The following XPR1 variants were observed in gnomAD, a reference collection of about 807,000 sequenced individuals.
XPR1 encodes the protein xenotropic and polytropic retrovirus receptor 1, also known as solute carrier family 53 member 1.
In XPR1, 28 loss-of-function variants were observed where a neutral mutation model predicts 87.5. The observed-to-expected ratio is 0.32, with a 90% CI of 0.24 to 0.44. XPR1 has a LOEUF of 0.44. Ranked by LOEUF, XPR1 falls within the 20% of genes least tolerant of loss-of-function variation. The pLI, the probability that XPR1 is intolerant of heterozygous loss-of-function variation, is 1.00. For synonymous variants in XPR1, 300 were observed against 306.1 expected (o/e 0.98, Z 0.21); for missense variants, 559 against 862.3 (o/e 0.65, Z 4.41).
chr1:180,812,857 C>T (rs1029706901), intron 7 of XPR1, among the ~76,000 whole-genome samples: 1 of 151,986 alleles, frequency 6.6e-6, no homozygotes, highest in African/African-American at 2.4e-5. Flanking sequence ...ACTATGTTGG[C>T]CAGACTGGTC....
intron 3 of XPR1, among the ~76,000 whole-genome samples, chr1:180,799,535 G>A (rs1381384461): frequency 6.6e-6 from 1 of 152,220 alleles, no homozygotes; most frequent in Non-Finnish European, 1.5e-5. Flanking sequence ...TTGATCAGAA[G>A]CAAGGCTGTA....
chr1:180,747,885 T>C (rs1411999588), intron 2 of XPR1, among the ~76,000 whole-genome samples: 1 of 152,222 alleles, frequency 6.6e-6, no homozygotes, highest in African/African-American at 2.4e-5. Context: ...AACCATTATG[T>C]CTGTGAAACA....
chr1:180,765,254 A>T (rs571039275), intron 2 of XPR1, among the ~76,000 whole-genome samples: 1 of 152,158 alleles, frequency 6.6e-6, no homozygotes, highest in African/African-American at 2.4e-5. Context: ...GTCTGGCTCT[A>T]GTCATTTTTT....
At chr1:180,660,205 T>C (rs1655718724) in intron 1 of XPR1, among the ~76,000 whole-genome samples, 1 of 152,180 alleles carries the variant, frequency 6.6e-6, no homozygotes, top group African/African-American at 2.4e-5. Context: ...GTGGTATTGG[T>C]TGTATCATCT....
Position 180,724,882 on chromosome 1 carries a change from A to G in XPR1, c.121+42471A>G, listed in dbSNP as rs1312872941. 3.3e-5 allele frequency among the ~76,000 whole-genome samples: 5 copies of G among 152,354 alleles called. No homozygotes were observed. The East Asian group carries it at 9.6e-4, about 29-fold the overall frequency. ...CATCATTGGTAACAGAAACATAGTTAAAATGTGGTGGTATGGAGAATATAT... is the reference window on the plus strand; with the variant it reads ...CATCATTGGTAACAGAAACATAGTTGAAATGTGGTGGTATGGAGAATATAT... On this transcript the variant is annotated intron_variant, in intron 2 of 14. Coordinates refer to ENST00000367590, the MANE Select transcript of XPR1 (RefSeq NM_004736.4).
intron 11 of XPR1, among the ~76,000 whole-genome samples, chr1:180,837,608 A>G (rs1651344579): frequency 6.6e-6 from 1 of 152,202 alleles, no homozygotes; most frequent in East Asian, 1.9e-4. Context: ...GATGCAGCAG[A>G]TGATATTTAT....
intron 2 of XPR1, 39 bp downstream of exon 2, chr1:180,682,450 C>A (rs958504083): frequency 6.4e-7 from 1 of 1,551,916 alleles, no homozygotes; most frequent in Non-Finnish European, 8.7e-7. Flanking sequence ...CACAGAAAAC[C>A]TCTTTTTAAG....
intron 6 of XPR1, among the ~76,000 whole-genome samples, chr1:180,808,574 A>C (rs1650086427): frequency 6.6e-6 from 1 of 152,198 alleles, no homozygotes; most frequent in East Asian, 1.9e-4. Flanking sequence ...TTATATTTAG[A>C]ATATATAAAG....
chr1:180,832,007 C>A (rs10808780), intron 9 of XPR1, among the ~76,000 whole-genome samples: 2,581 of 152,268 alleles, frequency 0.017, 72 homozygotes, highest in African/African-American at 0.058. Flanking sequence ...ATTTATACTC[C>A]CACCAACAGT....
At chr1:180,762,120 G>T (rs1037258503) in intron 2 of XPR1, among the ~76,000 whole-genome samples, 3 of 129,454 alleles carry the variant, frequency 2.3e-5, no homozygotes, top group Non-Finnish European at 3.2e-5. Flanking sequence ...GGGGACTGTT[G>T]TGGGGTCGGG....
chr1:180,675,052 G>A (rs1230619881), intron 1 of XPR1, among the ~76,000 whole-genome samples: 6 of 152,048 alleles, frequency 3.9e-5, no homozygotes, highest in African/African-American at 7.2e-5. Flanking sequence ...GTTTGTTCTA[G>A]TTTACATTTA....
intron 7 of XPR1, among the ~76,000 whole-genome samples, chr1:180,815,316 G>A (rs1650368471): frequency 6.6e-6 from 1 of 152,074 alleles, no homozygotes; most frequent in African/African-American, 2.4e-5. Flanking sequence ...TATGTGTGCT[G>A]TGTATGCATT....
At chr1:180,749,217 G>T (rs60159602) in intron 2 of XPR1, among the ~76,000 whole-genome samples, 6,551 of 152,154 alleles carry the variant, frequency 0.043, 507 homozygotes, top group African/African-American at 0.15. Flanking sequence ...TAGAAGAAAA[G>T]GAAGAAATTG....
At chr1:180,861,882 G>A (rs1029762840) in intron 11 of XPR1, among the ~76,000 whole-genome samples, 1 of 152,062 alleles carries the variant, frequency 6.6e-6, no homozygotes, top group African/African-American at 2.4e-5. Context: ...AACACTGAAT[G>A]TGGAGTGAGG....
At chr1:180,830,450 G>C (rs1313867010) in intron 9 of XPR1, among the ~76,000 whole-genome samples, 2 of 152,118 alleles carry the variant, frequency 1.3e-5, no homozygotes, top group Non-Finnish European at 2.9e-5. Context: ...ATAGGTAGTT[G>C]ACATCCAGGA....
At position 180,816,331 on chromosome 1, in the gene XPR1, G is replaced by A. The variant is rs535843604; in HGVS notation, c.763+4843G>A. Among the ~76,000 whole-genome samples the A allele has an allele frequency of 8.5e-5, 13 of 152,282 alleles. No individual in the cohort carries two copies. The Middle Eastern group carries it at 0.024, about 279-fold the overall frequency. On this transcript the variant is annotated intron_variant, in intron 7 of 14. Coordinates refer to ENST00000367590, the MANE Select transcript of XPR1 (RefSeq NM_004736.4). Reference sequence around the variant, plus strand: ...CGTTCTCCTCTGAGAATCTAATGCCGTTGATCTGACAGGAGGCGGAGCTCA... The same window carrying A: ...CGTTCTCCTCTGAGAATCTAATGCCATTGATCTGACAGGAGGCGGAGCTCA...
At chr1:180,771,704 G>A (rs1648520963) in intron 2 of XPR1, among the ~76,000 whole-genome samples, 2 of 152,112 alleles carry the variant, frequency 1.3e-5, no homozygotes, top group African/African-American at 4.8e-5. Context: ...ATTTCTGCCT[G>A]ATGTTTTCTC....
chr1:180,742,242 T>C (rs1658946024), intron 2 of XPR1, among the ~76,000 whole-genome samples: 1 of 152,156 alleles, frequency 6.6e-6, no homozygotes, highest in Admixed American at 6.5e-5. Context: ...CTTAGATTAG[T>C]GATTTGAGAT....
In XPR1 at chr1:180,632,218, A is replaced by T; in HGVS notation, c.17A>T (p.His6Leu). 1 of 1,610,474 alleles carries T rather than the reference A, an allele frequency of 6.2e-7. No individual in the cohort carries two copies. Among genetic ancestry groups the T allele is most frequent in the African/African-American group, 1.3e-5 (1 of 74,846 alleles). Residue 6 changes from histidine (H) to leucine (L), a missense_variant, in exon 1 of 15, where the codon CAC becomes CTC. His to Leu is a moderately conservative substitution (Grantham distance 99). Around this residue, in one of 7 missense-constraint regions of XPR1, gnomAD observed 159 missense variants for 263.3 expected, o/e 0.60. Transcript: ENST00000367590. ...AACGGCAGGATGAAGTTCGCCGAGC[A>T]CCTCTCCGCGCACATCACTCCCGAG... MKFAE[H>L]LSAHITPEWR...
Sources: gnomAD v4.1 joint callset for allele counts (sites outside exome capture counted in the v4.1 genomes callset) on GRCh38, gnomAD v4.1.1 for gene constraint, gnomAD v4.1.1 regional missense constraint, MANE v1.5 for transcripts, NCBI Gene and HGNC (gene_info 2026-07-23, HGNC 2026-07-21) for gene names.